Variants in BNIP3 observed in about 807,000 individuals in gnomAD.
BNIP3 encodes the protein BCL2/adenovirus E1B 19 kDa protein-interacting protein 3.
A neutral mutation model predicts 23.9 loss-of-function variants in BNIP3; 16 were observed. The observed-to-expected ratio is 0.67, with a 90% CI of 0.45 to 1.01. The LOEUF (loss-of-function observed/expected upper bound fraction) is 1.01, where lower values mean the gene tolerates loss of function less well. Among genes scored for constraint, BNIP3 ranks in the 50% least tolerant of loss-of-function variants. BNIP3 has a pLI of 0.00. For synonymous variants in BNIP3, 81 were observed against 89.3 expected, an observed-to-expected ratio of 0.91 and a Z score of 0.53; for missense variants, 198 against 248.7, an observed-to-expected ratio of 0.80 and a Z score of 1.37.
At chr10:131,973,735 C>A in intron 2 of BNIP3, 58 bp downstream of exon 2, 3 of 1,592,802 alleles carry the variant, frequency 1.9e-6, no homozygotes, top group Non-Finnish European at 1.7e-6. Flanking sequence ...CCAGCTGTGA[C>A]TGTCACCCAC....
At chr10:131,979,000 C>T (rs2037099069) in intron 1 of BNIP3, among the ~76,000 whole-genome samples, 1 of 152,140 alleles carries the variant, frequency 6.6e-6, no homozygotes, top group South Asian at 2.1e-4. Flanking sequence ...AAATCAGGTC[C>T]CTGGCTTCCA....
chr10:131,971,336 AAAG>A (rs1180799236), intron 3 of BNIP3: 4 of 256,058 alleles, frequency 1.6e-5, no homozygotes, highest in Admixed American at 1.5e-4. Context: ...GGTTATAAGA[AAAG>A]AAAATGAAAA....
At chr10:131,969,083 G>A (rs1384650750) in intron 5 of BNIP3, 1 of 155,540 alleles carries the variant, frequency 6.4e-6, no homozygotes, top group Non-Finnish European at 1.4e-5. Flanking sequence ...CCGGAGGGAG[G>A]AGGATGGGTC....
Position 131,974,361 on chromosome 10 carries a change from G to T in BNIP3, c.47-418C>A, listed in dbSNP as rs553395183. Among the ~76,000 whole-genome samples the T allele has an allele frequency of 3.9e-5, 6 of 152,342 alleles. No homozygotes were observed. In the South Asian group the frequency reaches 1.0e-3, roughly 26 times the overall value. On this transcript the variant is annotated intron_variant, in intron 1 of 5. Coordinates refer to ENST00000368636, the MANE Select transcript of BNIP3 (RefSeq NM_004052.4). ...ATGTCAACATAAGCTTAAGGGATTT[G>T]AAGTTTTCTTTAAAAGGTTTAAGCT...
chr10:131,981,693 C>T, intron 1 of BNIP3, 68 bp downstream of exon 1: 1 of 1,139,920 alleles, frequency 8.8e-7, no homozygotes. Context: ...CCCCTTGGCG[C>T]CCTCTTGGCC....
chr10:131,975,675 T>A (rs2037073805), intron 1 of BNIP3, among the ~76,000 whole-genome samples: 1 of 152,032 alleles, frequency 6.6e-6, no homozygotes, highest in African/African-American at 2.4e-5. Flanking sequence ...TGTTGCAGAG[T>A]CTATTTCATA....
rs1364424165 is a variant in BNIP3 at position 131,980,578 on chromosome 10, TA to T, written c.46+1182del. The T allele has an allele frequency of 5.8e-3, 757 of 131,500 alleles. 1 individual carries two copies. The highest frequency in any genetic ancestry group is 6.8e-3 in the African/African-American group (242 of 35,570). 8.1% of individuals were successfully genotyped at this position (131,500 alleles called of 1,614,324 possible). A position where few individuals can be genotyped will look rare whatever the true frequency, so the allele number is the denominator to read the frequency against. On this transcript the variant is annotated intron_variant, in intron 1 of 5. Transcript: ENST00000368636. ...GGCAACACAGTGAGACCCCGTCTCT[TA>T]AAAAAAAAAAAAGGTAAAAAAAAAA...
intron 3 of BNIP3, among the ~76,000 whole-genome samples, chr10:131,971,955 G>A (rs554464800): frequency 1.3e-5 from 2 of 152,328 alleles, no homozygotes; most frequent in Admixed American, 1.3e-4. Context: ...TGCCTGGAAG[G>A]CCATGCTTCC....
At position 131,973,128 on chromosome 10, in the gene BNIP3, G is replaced by A. The variant is rs1192404224; in HGVS notation, c.198-10C>T. 2.5e-6 allele frequency: 4 copies of A among 1,612,750 alleles called. No homozygotes were observed. Among genetic ancestry groups the A allele is most frequent in the East Asian group, 4.5e-5 (2 of 44,864 alleles). Reference sequence around the variant, plus strand: ...CTGCGAGCGAGGTGGGCTTGGCGATGTGAATAGAATGGGAAAAACAGAACA... The same window carrying A: ...CTGCGAGCGAGGTGGGCTTGGCGATATGAATAGAATGGGAAAAACAGAACA... On this transcript the variant is annotated splice_polypyrimidine_tract_variant and intron_variant, in intron 2 of 5. Transcript: ENST00000368636.
intron 1 of BNIP3, among the ~76,000 whole-genome samples, chr10:131,975,123 A>G (rs1226018853): frequency 6.6e-6 from 1 of 152,216 alleles, no homozygotes; most frequent in African/African-American, 2.4e-5. Flanking sequence ...ACACAGCTCT[A>G]CTGTTATGAC....
intron 1 of BNIP3, among the ~76,000 whole-genome samples, chr10:131,977,897 C>T (rs1324473157): frequency 6.6e-6 from 1 of 152,126 alleles, no homozygotes; most frequent in Non-Finnish European, 1.5e-5. Context: ...CCACAGCAAC[C>T]GCGTAGGAAA....
At chr10:131,979,523 G>A (rs775088769) in intron 1 of BNIP3, among the ~76,000 whole-genome samples, 6 of 152,012 alleles carry the variant, frequency 3.9e-5, no homozygotes, top group East Asian at 1.9e-4. Flanking sequence ...TGATGCCCCC[G>A]CCACCGTGAC....
chr10:131,976,940 G>C lies in BNIP3; in HGVS notation c.47-2997C>G, dbSNP rs1206583056. On this transcript the variant is annotated intron_variant, in intron 1 of 5. Transcript: ENST00000368636. The surrounding 1 kb of genome is among the most constrained non-coding windows in gnomAD (Gnocchi z 4.3). ...CTGGTCAGGTTGTTCTGCCTATGGA[G>C]TCACCATCTTTTTACTGTTTTACTT... Among the ~76,000 whole-genome samples, 3 of 152,168 alleles carry C rather than the reference G, an allele frequency of 2.0e-5. No individual in the cohort carries two copies. Among genetic ancestry groups the C allele is most frequent in the African/African-American group, 7.2e-5 (3 of 41,428 alleles).
At chr10:131,971,291 C>A in intron 3 of BNIP3, 2 of 342,118 alleles carry the variant, frequency 5.8e-6, no homozygotes, top group Non-Finnish European at 5.5e-6. Context: ...AGGGAAGTCA[C>A]GTGACATGAG....
rs757131703 is a variant in BNIP3 at position 131,970,890 on chromosome 10, T to C, written c.363A>G (p.Ser121=). 2 of 1,614,258 alleles carry C rather than the reference T, an allele frequency of 1.2e-6. No homozygotes were observed. Among genetic ancestry groups the C allele is most frequent in the Admixed American group, 3.3e-5 (2 of 60,034 alleles). ...TGGGGGGAATATTTTCCGGCCGACT[T>C]GACCAATCCCATATCCAATCTGAGT... ...KKNSDWIWDW[S]SRPENIPPKE... is the part of the protein sequence containing the mutation. Residue 121 remains serine, a synonymous_variant, in exon 4 of 6, where the codon TCA becomes TCG. Coordinates refer to ENST00000368636, the MANE Select transcript of BNIP3 (RefSeq NM_004052.4). The surrounding 1 kb of genome is among the most constrained non-coding windows in gnomAD (Gnocchi z 4.1).
chr10:131,980,420 G>C (rs1454106718), intron 1 of BNIP3: 1 of 152,062 alleles, frequency 6.6e-6, no homozygotes, highest in African/African-American at 2.4e-5. Context: ...AATTTCAAGA[G>C]GAAAAATCCG....
At chr10:131,971,179 C>T in intron 3 of BNIP3, 1 of 570,372 alleles carries the variant, frequency 1.8e-6, no homozygotes, top group South Asian at 2.0e-5. Context: ...ACGCTCGCCG[C>T]CTCCAGGGAC....
At chr10:131,981,675 G>A in intron 1 of BNIP3, 86 bp downstream of exon 1, 2 of 1,393,174 alleles carry the variant, frequency 1.4e-6, no homozygotes, top group Non-Finnish European at 1.9e-6. Context: ...AGGCCTCCCC[G>A]GCAACCTCCC....
At chr10:131,971,350 C>A (rs1016986369) in intron 3 of BNIP3, 1 of 249,548 alleles carries the variant, frequency 4.0e-6, no homozygotes, top group Non-Finnish European at 7.8e-6. Context: ...AAAATGAAAA[C>A]AGCCGAAAAC....
Sources: allele counts gnomAD v4.1 joint callset (sites outside exome capture counted in the v4.1 genomes callset), GRCh38; gene constraint gnomAD v4.1.1; non-coding constraint Gnocchi (gnomAD v3.1); transcripts MANE v1.5; gene names NCBI Gene and HGNC (gene_info 2026-07-23, HGNC 2026-07-21).